The following CDC42SE2 variants were observed in gnomAD, a reference collection of about 807,000 sequenced individuals.
CDC42SE2 encodes the protein CDC42 small effector 2.
A neutral mutation model predicts 11.5 loss-of-function variants in CDC42SE2; 3 were observed. The observed-to-expected ratio is 0.26, with a 90% CI of 0.12 to 0.67. The LOEUF is 0.67. CDC42SE2 is among the 30% of genes least tolerant of loss of function. The probability of loss-of-function intolerance (pLI) is 0.80; values close to 1 mark genes in which losing one functional copy is unlikely to be tolerated. For synonymous variants in CDC42SE2, 33 were observed against 34.8 expected (o/e 0.95, Z 0.18); for missense variants, 82 against 106.8 (o/e 0.77, Z 1.02).
the CDC42SE2 span, among the ~76,000 whole-genome samples, chr5:131,218,233 G>T: frequency 2.0e-5 from 3 of 147,640 alleles, no homozygotes; most frequent in African/African-American, 7.5e-5. Flanking sequence ...ATGAGCATAA[G>T]ACTTGAGTAG....
At chr5:131,268,401 G>A (rs56234654) in intron 1 of CDC42SE2, among the ~76,000 whole-genome samples, 150 of 151,560 alleles carry the variant, frequency 9.9e-4, no homozygotes, top group African/African-American at 3.5e-3. Flanking sequence ...TTAGGTGAGG[G>A]CATTTTTTTC....
At chr5:131,242,671 T>A (rs1024211306), upstream of CDC42SE2, among the ~76,000 whole-genome samples, 96 of 152,314 alleles carry the variant, frequency 6.3e-4, no homozygotes, top group Non-Finnish European at 1.2e-3. Context: ...ATGCTCTTGT[T>A]TGATCATTTT....
chr5:131,275,634 A>T (rs1490591354), intron 1 of CDC42SE2, among the ~76,000 whole-genome samples: 1 of 147,484 alleles, frequency 6.8e-6, no homozygotes, highest in Non-Finnish European at 1.5e-5. Context: ...CTCAAATGAG[A>T]TTGGGTGCCA....
intron 2 of CDC42SE2, among the ~76,000 whole-genome samples, chr5:131,348,872 A>G (rs1285919297): frequency 1.3e-5 from 2 of 152,204 alleles, no homozygotes; most frequent in African/African-American, 4.8e-5. Flanking sequence ...GAAACCTGAC[A>G]AAAACAAGAA....
chr5:131,336,588 C>T (rs1445664136), intron 2 of CDC42SE2, among the ~76,000 whole-genome samples: 1 of 152,188 alleles, frequency 6.6e-6, no homozygotes, highest in Non-Finnish European at 1.5e-5. Context: ...TTCCATTCTC[C>T]CCGTCACTTT....
intron 1 of CDC42SE2, among the ~76,000 whole-genome samples, chr5:131,302,608 G>T (rs1757707327): frequency 6.6e-6 from 1 of 152,122 alleles, no homozygotes; most frequent in Non-Finnish European, 1.5e-5. Flanking sequence ...GAGCCACCGT[G>T]TCCAACCAGC....
intron 2 of CDC42SE2, among the ~76,000 whole-genome samples, chr5:131,353,781 C>T (rs534825559): frequency 1.9e-4 from 29 of 151,886 alleles, no homozygotes; most frequent in African/African-American, 6.3e-4. Flanking sequence ...TGGTGGTGGG[C>T]GCCTATAGTC....
intron 3 of CDC42SE2, among the ~76,000 whole-genome samples, chr5:131,368,990 A>G (rs553709834): frequency 3.3e-5 from 5 of 152,364 alleles, no homozygotes; most frequent in Non-Finnish European, 5.9e-5. Context: ...GAAATAGGAC[A>G]TTGCCAGCAC....
intron 3 of CDC42SE2, among the ~76,000 whole-genome samples, chr5:131,375,445 C>A (rs1750125570): frequency 6.6e-6 from 1 of 152,130 alleles, no homozygotes; most frequent in Non-Finnish European, 1.5e-5. Flanking sequence ...TCTTTCCTTT[C>A]TGTACTTTGA....
Position 131,332,649 on chromosome 5 carries a change from T to G in CDC42SE2, c.-286+16505T>G, listed in dbSNP as rs541109075. 3.9e-5 allele frequency among the ~76,000 whole-genome samples: 6 copies of G among 152,314 alleles called. No individual in the cohort carries two copies. In the South Asian group the frequency reaches 6.2e-4, roughly 16 times the overall value. On this transcript the variant is annotated intron_variant, in intron 2 of 4. Transcript: ENST00000505065. Reference sequence around the variant, plus strand: ...CACCTGTTGTTTCCTGACTTTTTAATGATCACCATTCTAACTGGTGTGAGA... The same window carrying G: ...CACCTGTTGTTTCCTGACTTTTTAAGGATCACCATTCTAACTGGTGTGAGA...
At chr5:131,336,557 G>A (rs1292266231) in intron 2 of CDC42SE2, among the ~76,000 whole-genome samples, 3 of 152,212 alleles carry the variant, frequency 2.0e-5, no homozygotes. Context: ...ATAATATCCT[G>A]CATAGTGTTT....
At chr5:131,334,112 G>A (rs1758494582) in intron 2 of CDC42SE2, among the ~76,000 whole-genome samples, 2 of 152,040 alleles carry the variant, frequency 1.3e-5, no homozygotes, top group African/African-American at 4.8e-5. Flanking sequence ...GTCATAGATA[G>A]CTCTTATTAT....
chr5:131,315,419 A>G (rs571818882), intron 1 of CDC42SE2, among the ~76,000 whole-genome samples: 1 of 152,312 alleles, frequency 6.6e-6, no homozygotes, highest in African/African-American at 2.4e-5. Context: ...AGAAATACGT[A>G]GCAGAGTTTG....
chr5:131,343,642 G>C (rs1002054917), intron 2 of CDC42SE2, among the ~76,000 whole-genome samples: 1 of 152,012 alleles, frequency 6.6e-6, no homozygotes, highest in Non-Finnish European at 1.5e-5. Flanking sequence ...GAACCCAGGA[G>C]GCGGAGGTTG....
intron 1 of CDC42SE2, among the ~76,000 whole-genome samples, chr5:131,285,199 C>T (rs1174809362): frequency 9.2e-5 from 14 of 151,926 alleles, no homozygotes; most frequent in African/African-American, 3.4e-4. Flanking sequence ...ACAGGAAGAT[C>T]TCTGGAGCCT....
the CDC42SE2 span, among the ~76,000 whole-genome samples, chr5:131,220,852 C>A: frequency 6.7e-6 from 1 of 150,362 alleles, no homozygotes; most frequent in African/African-American, 2.5e-5. Flanking sequence ...TCTGCCAAAC[C>A]AAAACGTCTA....
At chr5:131,324,692 TAA>T (rs1561584987) in intron 2 of CDC42SE2, among the ~76,000 whole-genome samples, 1 of 152,106 alleles carries the variant, frequency 6.6e-6, no homozygotes, top group Non-Finnish European at 1.5e-5. Context: ...ACATTTTTTT[TAA>T]AAAGTCCAAA....
chr5:131,286,392 T>TG (rs1757341247), intron 1 of CDC42SE2, among the ~76,000 whole-genome samples: 1 of 148,326 alleles, frequency 6.7e-6, no homozygotes, highest in Non-Finnish European at 1.5e-5. Context: ...CCAGTTTTTT[T>TG]TTTTTTTTTT....
At chr5:131,366,790 G>A (rs923668229) in intron 3 of CDC42SE2, among the ~76,000 whole-genome samples, 3 of 152,144 alleles carry the variant, frequency 2.0e-5, no homozygotes, top group Admixed American at 6.5e-5. Context: ...TTGGGAGGCT[G>A]AGGCGGGAGC....
Sources: gnomAD v4.1 joint callset for allele counts (sites outside exome capture counted in the v4.1 genomes callset) on GRCh38, gnomAD v4.1.1 for gene constraint, MANE v1.5 for transcripts, NCBI Gene and HGNC (gene_info 2026-07-23, HGNC 2026-07-21) for gene names.